The following ZFHX3 variants were observed in gnomAD, a reference collection of about 807,000 sequenced individuals.
ZFHX3 encodes zinc finger homeobox 3, also known as zinc finger homeobox protein 3.
Under a neutral mutation model 279.1 loss-of-function variants are expected in ZFHX3, and 42 were observed. That is an observed-to-expected ratio of 0.15 (90% CI 0.12 to 0.19). ZFHX3 has a LOEUF of 0.19. ZFHX3 is among the 10% of genes least tolerant of loss of function. The pLI, the probability that ZFHX3 is intolerant of heterozygous loss-of-function variation, is 1.00. For synonymous variants in ZFHX3, 2,293 were observed against 1,957.8 expected, an observed-to-expected ratio of 1.17 and a Z score of -4.52; for missense variants, 4,981 against 4,754.0, an observed-to-expected ratio of 1.05 and a Z score of -1.40.
chr16:72,907,545 TTGTGTGTGTGTGTG>T (rs547618913), intron 3 of ZFHX3, among the ~76,000 whole-genome samples: 2,318 of 120,472 alleles, frequency 0.019, 46 homozygotes, highest in Middle Eastern at 0.035. Flanking sequence ...TTTCCTCTAT[TTGTGTGTGTGTGTG>T]TGTGTGTGTG....
intron 3 of ZFHX3, among the ~76,000 whole-genome samples, chr16:73,430,648 C>T (rs2017894086): frequency 6.6e-6 from 1 of 152,180 alleles, no homozygotes; most frequent in Non-Finnish European, 1.5e-5. Context: ...GTCATTTGTG[C>T]TGCTGAGCCT....
At position 73,528,150 on chromosome 16, in the gene ZFHX3, G is replaced by A. The variant is rs553422519; in HGVS notation, c.-1546-71892C>T. 8.6e-4 allele frequency among the ~76,000 whole-genome samples: 131 copies of A among 152,306 alleles called. 2 individuals carry two copies. The highest frequency in any genetic ancestry group is 3.1e-3 in the African/African-American group (130 of 41,568). ...TTTGACATATGGGAAACATCTGCAA[G>A]GATTTGGTTCTGTTCGTGGGAAGGG... On this transcript the variant is annotated intron_variant, in intron 2 of 17. Transcript: ENST00000641206.
At chr16:73,740,253 C>A (rs928886308) in intron 1 of ZFHX3, among the ~76,000 whole-genome samples, 5 of 152,104 alleles carry the variant, frequency 3.3e-5, no homozygotes, top group Admixed American at 2.0e-4. Flanking sequence ...CCTCTACACA[C>A]TCCTTGGGCA....
intron 4 of ZFHX3, among the ~76,000 whole-genome samples, chr16:72,845,263 C>A (rs2037449486): frequency 6.6e-6 from 1 of 152,130 alleles, no homozygotes; most frequent in Non-Finnish European, 1.5e-5. Context: ...ACACTGGAAC[C>A]CCCTCCCCCT....
upstream of ZFHX3, among the ~76,000 whole-genome samples, chr16:73,064,455 G>C (rs1158722221): frequency 1.3e-5 from 2 of 151,738 alleles, no homozygotes; most frequent in Non-Finnish European, 2.9e-5. Context: ...AACCAAATTG[G>C]CCGCTCAAAT....
Position 73,636,754 on chromosome 16 carries a change from G to C in ZFHX3, c.-1547+43426C>G, listed in dbSNP as rs116727039. On this transcript the variant is annotated intron_variant, in intron 2 of 17. Transcript: ENST00000641206. ...GCTTCACAGTGGAACATAAAGGAAG[G>C]TTTAAAAAGATAAATAGACAAAGTC... Among the ~76,000 whole-genome samples, 1,368 of 152,166 alleles carry C rather than the reference G, an allele frequency of 9.0e-3. 22 individuals carry two copies. Among genetic ancestry groups the C allele is most frequent in the African/African-American group, 0.031 (1,293 of 41,530 alleles).
intron 3 of ZFHX3, among the ~76,000 whole-genome samples, chr16:73,363,565 A>T (rs1388012390): frequency 6.6e-6 from 1 of 152,018 alleles, no homozygotes; most frequent in Non-Finnish European, 1.5e-5. Context: ...TTTTTTCCCA[A>T]ATGAGGCAGG....
At chr16:72,908,188 T>C (rs189872188) in intron 3 of ZFHX3, among the ~76,000 whole-genome samples, 32 of 152,300 alleles carry the variant, frequency 2.1e-4, no homozygotes, top group African/African-American at 6.7e-4. Flanking sequence ...AGAGATGCTA[T>C]GCCCTCCTCC....
At chr16:73,588,883 G>A (rs1291577247) in intron 2 of ZFHX3, among the ~76,000 whole-genome samples, 1 of 151,958 alleles carries the variant, frequency 6.6e-6, no homozygotes, top group Admixed American at 6.6e-5. Context: ...GAGAGGTCTA[G>A]ACAGAGACAG....
intron 1 of ZFHX3, among the ~76,000 whole-genome samples, chr16:73,710,014 T>G (rs2053343114): frequency 1.0e-5 from 1 of 96,708 alleles, no homozygotes; most frequent in Non-Finnish European, 2.4e-5. Flanking sequence ...AAGCCTCATC[T>G]CTACTAAAAA....
rs1246656425 is a variant in ZFHX3 at position 72,784,800 on chromosome 16, TAAA to T, written c.*2361_*2363del. 1 of 152,146 alleles carries T rather than the reference TAAA, an allele frequency of 6.6e-6. No homozygotes were observed. The highest frequency in any genetic ancestry group is 1.5e-5 in the Non-Finnish European group (1 of 67,918). The allele number at this position is 152,146 out of a possible 1,614,324, so 9.4% of individuals were successfully genotyped here. ...AGTATTTCTACTTAAAAAAAACAATTAAAAAAGGAATTTGCACTGTGCATCAGC... is the reference window on the plus strand; with the variant it reads ...AGTATTTCTACTTAAAAAAAACAATTAAAGGAATTTGCACTGTGCATCAGC... On this transcript the variant is annotated 3_prime_UTR_variant, in exon 10 of 10. Coordinates refer to ENST00000268489, the MANE Select transcript of ZFHX3 (RefSeq NM_006885.4).
At chr16:73,460,984 T>C (rs904125493) in intron 2 of ZFHX3, among the ~76,000 whole-genome samples, 1 of 152,220 alleles carries the variant, frequency 6.6e-6, no homozygotes, top group Non-Finnish European at 1.5e-5. Flanking sequence ...ATTGCCTCTC[T>C]TCTCTTTATA....
Position 73,070,373 on chromosome 16 carries a change from ACACT to A in ZFHX3, c.-532-11365_-532-11362del, listed in dbSNP as rs150721165. On this transcript the variant is annotated intron_variant, in intron 8 of 17. Coordinates refer to the ZFHX3 transcript ENST00000641206. ...AAAGATAAGCTATCCCTGGCCCAAGACACTCATAGCATCTGAGCTTAGATTCACA... is the reference window on the plus strand; with the variant it reads ...AAAGATAAGCTATCCCTGGCCCAAGACATAGCATCTGAGCTTAGATTCACA... 5.4e-3 allele frequency among the ~76,000 whole-genome samples: 825 copies of A among 152,286 alleles called. 3 individuals are homozygous for A. Among genetic ancestry groups the A allele is most frequent in the African/African-American group, 0.019 (801 of 41,558 alleles).
intron 1 of ZFHX3, among the ~76,000 whole-genome samples, chr16:73,820,941 C>G (rs1188989752): frequency 2.0e-5 from 3 of 152,022 alleles, no homozygotes; most frequent in African/African-American, 7.2e-5. Flanking sequence ...ATGCACAATA[C>G]TTTCCATTTG....
chr16:72,798,142 G>T lies in ZFHX3; in HGVS notation c.4540C>A (p.Gln1514Lys), dbSNP rs760844295. The change falls in exon 9 of 10, where the codon CAA becomes AAA. Residue 1514 changes from glutamine to lysine, a missense_variant. Gln to Lys is a moderately conservative substitution (Grantham distance 53). Transcript: ENST00000268489. Reference protein sequence around the residue: ...SPTGSDSGSVQEDSGSEPKRA... With the variant: ...SPTGSDSGSVKEDSGSEPKRA... ...TTTGGCTCTGAGCCCGAGTCTTCTTGTACTGACCCAGAGTCACTGCCCGTT... is the reference window on the plus strand; with the variant it reads ...TTTGGCTCTGAGCCCGAGTCTTCTTTTACTGACCCAGAGTCACTGCCCGTT... The T allele has an allele frequency of 2.8e-5, 45 of 1,614,200 alleles. No homozygotes were observed. Among genetic ancestry groups the T allele is most frequent in the Non-Finnish European group, 3.6e-5 (42 of 1,180,034 alleles).
intron 3 of ZFHX3, among the ~76,000 whole-genome samples, chr16:72,929,244 A>C (rs1316968764): frequency 6.6e-6 from 1 of 151,840 alleles, no homozygotes; most frequent in Non-Finnish European, 1.5e-5. Context: ...CTGTCTAAAA[A>C]AAAAAAAAAA....
chr16:72,941,892 G>A (rs1235405221), intron 3 of ZFHX3, among the ~76,000 whole-genome samples: 1 of 152,096 alleles, frequency 6.6e-6, no homozygotes, highest in African/African-American at 2.4e-5. Context: ...ATCAATTTCT[G>A]TTAAGTATTA....
intron 1 of ZFHX3, among the ~76,000 whole-genome samples, chr16:73,688,440 T>A (rs1157700111): frequency 6.6e-6 from 1 of 151,302 alleles, no homozygotes; most frequent in Admixed American, 6.6e-5. Context: ...GGTGATTAGG[T>A]CATGAGGGAC....
intron 2 of ZFHX3, among the ~76,000 whole-genome samples, chr16:73,646,121 G>T (rs950471256): frequency 6.6e-6 from 1 of 152,170 alleles, no homozygotes; most frequent in Non-Finnish European, 1.5e-5. Flanking sequence ...AAAGAAATAA[G>T]TGAACTGGTG....
Sources: allele counts gnomAD v4.1 joint callset (sites outside exome capture counted in the v4.1 genomes callset), GRCh38; gene constraint gnomAD v4.1.1; transcripts MANE v1.5; gene names NCBI Gene and HGNC (gene_info 2026-07-23, HGNC 2026-07-21).